EXOC4: variants seen among roughly 807,000 people sequenced by gnomAD.
The protein encoded by EXOC4 is SEC8-like 1.
Under a neutral mutation model 107.2 loss-of-function variants are expected in EXOC4, and 71 were observed. The observed-to-expected ratio is 0.66, with a 90% CI of 0.55 to 0.81. EXOC4 has a LOEUF of 0.81. EXOC4 is among the 30% of genes least tolerant of loss of function. The probability of loss-of-function intolerance (pLI) is 0.00; values close to 1 mark genes in which losing one functional copy is unlikely to be tolerated. For synonymous variants in EXOC4, 456 were observed against 441.2 expected (o/e 1.03, Z -0.42); for missense variants, 1,108 against 1,189.6 (o/e 0.93, Z 1.01).
chr7:133,371,780 A>G (rs1334556750), intron 6 of EXOC4, among the ~76,000 whole-genome samples: 1 of 152,204 alleles, frequency 6.6e-6, no homozygotes, highest in Non-Finnish European at 1.5e-5. Context: ...CCATATGGTA[A>G]CTATGTTTAA....
At chr7:134,094,435 C>CA in the EXOC4 span, among the ~76,000 whole-genome samples, 1 of 151,950 alleles carries the variant, frequency 6.6e-6, no homozygotes, top group Admixed American at 6.6e-5. Context: ...ACCTACAAAC[C>CA]AAAAAATATC....
intron 11 of EXOC4, among the ~76,000 whole-genome samples, chr7:133,858,445 C>G (rs1050508378): frequency 6.6e-6 from 1 of 152,068 alleles, no homozygotes; most frequent in Non-Finnish European, 1.5e-5. Flanking sequence ...AAAAGCACCA[C>G]TTGACTGACC....
intron 9 of EXOC4, among the ~76,000 whole-genome samples, chr7:133,528,137 A>G (rs1235950247): frequency 1.3e-5 from 2 of 152,206 alleles, no homozygotes; most frequent in East Asian, 3.8e-4. Flanking sequence ...CTCACCTGAT[A>G]ATCTTTGGCT....
chr7:133,495,206 C>G (rs951312634), intron 9 of EXOC4, among the ~76,000 whole-genome samples: 2 of 151,766 alleles, frequency 1.3e-5, no homozygotes, highest in African/African-American at 4.8e-5. Context: ...GAGCTGAGAT[C>G]ACGCCATTGC....
At chr7:133,480,418 A>C (rs1280390706) in intron 9 of EXOC4, 6 of 1,197,894 alleles carry the variant, frequency 5.0e-6, no homozygotes, top group Non-Finnish European at 6.3e-6. Flanking sequence ...ACCTGAGTCC[A>C]GTCACAATCT....
intron 14 of EXOC4, among the ~76,000 whole-genome samples, chr7:133,973,395 T>C (rs1793747317): frequency 6.6e-6 from 1 of 152,120 alleles, no homozygotes; most frequent in Non-Finnish European, 1.5e-5. Context: ...GTTAAATTGT[T>C]ATTACATTAT....
intron 8 of EXOC4, 53 bp from the exon 9 acceptor site, chr7:133,479,997 A>G: frequency 7.2e-7 from 1 of 1,382,082 alleles, no homozygotes; most frequent in South Asian, 1.2e-5. Context: ...AGAGCTGGTC[A>G]GCACTTAATT....
At chr7:133,706,418 C>A (rs1794770325) in intron 10 of EXOC4, among the ~76,000 whole-genome samples, 1 of 152,156 alleles carries the variant, frequency 6.6e-6, no homozygotes, top group African/African-American at 2.4e-5. Flanking sequence ...TACACACATA[C>A]ATGGAAACTC....
chr7:133,612,606 A>C (rs908103071), intron 9 of EXOC4, among the ~76,000 whole-genome samples: 1 of 152,182 alleles, frequency 6.6e-6, no homozygotes, highest in African/African-American at 2.4e-5. Flanking sequence ...CATGTATTTT[A>C]ACAGTATCAC....
intron 5 of EXOC4, among the ~76,000 whole-genome samples, chr7:133,339,322 A>G (rs1795604879): frequency 6.6e-6 from 1 of 152,018 alleles, no homozygotes. Context: ...GGTTGTAAGT[A>G]TTTGGGTTTA....
At chr7:134,014,038 T>A (rs1364827504) in intron 17 of EXOC4, among the ~76,000 whole-genome samples, 1 of 152,160 alleles carries the variant, frequency 6.6e-6, no homozygotes, top group Non-Finnish European at 1.5e-5. Flanking sequence ...TATACACAGA[T>A]AAATGAAAAC....
intron 11 of EXOC4, among the ~76,000 whole-genome samples, chr7:133,851,327 T>C (rs535445135): frequency 6.6e-6 from 1 of 152,296 alleles, no homozygotes; most frequent in South Asian, 2.1e-4. Context: ...ATAGAAAATA[T>C]TTGCAGAGAG....
At chr7:133,312,466 A>G (rs1437266132) in intron 4 of EXOC4, among the ~76,000 whole-genome samples, 1 of 152,220 alleles carries the variant, frequency 6.6e-6, no homozygotes, top group African/African-American at 2.4e-5. Flanking sequence ...ATAGGGAGGT[A>G]GAAATTCTTT....
chr7:133,912,616 G>A (rs549205657), intron 12 of EXOC4, among the ~76,000 whole-genome samples: 3 of 152,138 alleles, frequency 2.0e-5, no homozygotes, highest in African/African-American at 7.2e-5. Context: ...AATTGAAGAG[G>A]GCTTCTTTTT....
At chr7:133,840,598 T>C (rs1798005977) in intron 11 of EXOC4, among the ~76,000 whole-genome samples, 1 of 152,100 alleles carries the variant, frequency 6.6e-6, no homozygotes, top group African/African-American at 2.4e-5. Context: ...TTCTCCTGCC[T>C]CAGCCTCTTG....
chr7:134,091,786 T>G, the EXOC4 span, among the ~76,000 whole-genome samples: 1 of 152,148 alleles, frequency 6.6e-6, no homozygotes, highest in Non-Finnish European at 1.5e-5. Flanking sequence ...TCTCAGTTGA[T>G]AAGCAAGCAT....
chr7:133,481,069 A>C (rs1179063249), intron 9 of EXOC4: 1 of 151,254 alleles, frequency 6.6e-6, no homozygotes, highest in Non-Finnish European at 1.5e-5. Flanking sequence ...AAAAAAAAAA[A>C]ACAACAAAAC....
In EXOC4 at chr7:133,938,068, G is replaced by C. The variant is rs763786225; in HGVS notation, c.2205G>C (p.Gln735His). The C allele has an allele frequency of 6.2e-7, 1 of 1,614,124 alleles. No homozygotes were observed. Among genetic ancestry groups the C allele is most frequent in the Non-Finnish European group, 8.5e-7 (1 of 1,179,996 alleles). Residue 735 changes from glutamine (Q) to histidine (H), a missense_variant and splice_region_variant, in exon 14 of 18, where the codon CAG (glutamine) becomes CAC (histidine). Physicochemically the swap from Gln to His is conservative, Grantham distance 24. Coordinates refer to ENST00000253861, the MANE Select transcript of EXOC4 (RefSeq NM_021807.4). The stretch of plus-strand genomic sequence containing the variant: ...CTTTCTCCAATCTTTCTACATCCCA[G>C]AGTAAGTATCTAGTAGGAAGCTGTT... The part of the protein sequence containing the change: ...KSAFSNLSTS[Q>H]MLSPAQDSHT...
chr7:133,759,500 TC>T (rs1188104494), intron 10 of EXOC4, among the ~76,000 whole-genome samples: 1 of 152,184 alleles, frequency 6.6e-6, no homozygotes, highest in African/African-American at 2.4e-5. Context: ...AAAACAGCTG[TC>T]CTATGAGTGT....
Sources: gnomAD v4.1 joint callset for allele counts (sites outside exome capture counted in the v4.1 genomes callset) on GRCh38, gnomAD v4.1.1 for gene constraint, MANE v1.5 for transcripts, NCBI Gene and HGNC (gene_info 2026-07-23, HGNC 2026-07-21) for gene names.